The following PCDH18 variants were observed in gnomAD, a reference collection of about 807,000 sequenced individuals.
PCDH18 encodes the protein protocadherin 18.
PCDH18 carries 38 observed loss-of-function variants against 71.5 expected under a neutral mutation model. The ratio of observed to expected loss-of-function variants is 0.53; its 90% CI spans 0.41 to 0.70. The LOEUF is 0.70. Among genes scored for constraint, PCDH18 ranks in the 30% least tolerant of loss-of-function variants. The pLI is 0.00. For missense variants in PCDH18, 1,334 were observed against 1,384.6 expected (o/e 0.96, Z 0.58); for synonymous variants, 565 against 505.4 (o/e 1.12, Z -1.58).
In PCDH18 at chr4:137,521,031, A is replaced by G; in HGVS notation, c.3406T>C (p.Ter1136GlnextTer43). ...NKLLQDVRQS[*>Q] ...CAAAAATGCTTCGCTAAAATCTCCT[A>G]GCTCTGGCGGACATCTTGAAGCAGT... is the stretch of plus-strand genomic sequence containing the variant. Residue 1136 changes from the stop codon to glutamine (Q), a stop_lost, in exon 4 of 4, where the codon TAG becomes CAG. Transcript: ENST00000344876. 2 of 1,575,016 alleles carry G rather than the reference A, an allele frequency of 1.3e-6. No individual in the cohort carries two copies. The highest frequency in any genetic ancestry group is 2.3e-5 in the South Asian group (2 of 86,174).
chr4:137,522,263 GA>G (rs34670394), intron 3 of PCDH18, among the ~76,000 whole-genome samples: 7,717 of 152,154 alleles, frequency 0.051, 226 homozygotes, highest in Middle Eastern at 0.078. Flanking sequence ...TCAGCTACTG[GA>G]TGGCCATCTG....
At chr4:137,526,452 T>C (rs2149213770) in intron 3 of PCDH18, among the ~76,000 whole-genome samples, 1 of 152,286 alleles carries the variant, frequency 6.6e-6, no homozygotes, top group African/African-American at 2.4e-5. Context: ...AATTGTAGTT[T>C]AGCCAACTCC....
chr4:137,521,721 A>T lies in PCDH18; in HGVS notation c.2741-25T>A, dbSNP rs1370159837. 1.9e-6 allele frequency: 3 copies of T among 1,540,678 alleles called. No homozygotes were observed. In the Admixed American group the frequency reaches 5.3e-5, roughly 27 times the overall value. On this transcript the variant is annotated intron_variant, in intron 3 of 3. Transcript: ENST00000344876. ...GCTGCACTCAAGAAAAACAGTGGGG[A>T]TTCATTATTATACTTAGCACGATTC...
At chr4:137,529,007 A>G (rs569504835) in intron 1 of PCDH18, 187 bp from the exon 2 acceptor site, 1 of 588,622 alleles carries the variant, frequency 1.7e-6, no homozygotes, top group Non-Finnish European at 3.0e-6. Context: ...ACTAAAATAT[A>G]TCTCAGAGAG....
In PCDH18 at chr4:137,530,579, T is replaced by C. The variant is rs1731644994; in HGVS notation, c.1510A>G (p.Ile504Val). 1.9e-6 allele frequency: 3 copies of C among 1,613,990 alleles called. No homozygotes were observed. Among genetic ancestry groups the C allele is most frequent in the East Asian group, 2.2e-5 (1 of 44,876 alleles). ...CTTCCTAGAATAAAACTCTCCAAGATGGTGTATGTCACTTGCCCATTTTCT... is the reference window on the plus strand; with the variant it reads ...CTTCCTAGAATAAAACTCTCCAAGACGGTGTATGTCACTTGCCCATTTTCT... ...LGENGQVTYT[I>V]LESFILGSSI... Residue 504 changes from isoleucine to valine, a missense_variant, in exon 1 of 4, where the codon ATC (isoleucine) becomes GTC (valine). Around this residue, in one of 3 missense-constraint regions of PCDH18, gnomAD observed 1,011 missense variants for 1,048.0 expected, o/e 0.96. Transcript: ENST00000344876.
At position 137,521,328 on chromosome 4, in the gene PCDH18, G is replaced by T; in HGVS notation, c.3109C>A (p.Arg1037Ser). Residue 1037 changes from arginine to serine, a missense_variant, in exon 4 of 4, where the codon CGC (arginine) becomes AGC (serine). Arg to Ser is a moderately radical substitution (Grantham distance 110, BLOSUM62 -1). Around this residue, in one of 3 missense-constraint regions of PCDH18, gnomAD observed 319 missense variants for 316.3 expected, o/e 1.01. Transcript: ENST00000344876. ...SEVDRSNSLE[R>S]RKGPLPAKTV... Reference sequence around the variant, plus strand: ...TTGGCTGGCAAGGGTCCCTTCCTGCGCTCCAGGGAGTTGGACCGATCCACC... The same window carrying T: ...TTGGCTGGCAAGGGTCCCTTCCTGCTCTCCAGGGAGTTGGACCGATCCACC... 1 of 1,614,090 alleles carries T rather than the reference G, an allele frequency of 6.2e-7. No individual in the cohort carries two copies. Among genetic ancestry groups the T allele is most frequent in the Non-Finnish European group, 8.5e-7 (1 of 1,180,004 alleles).
intron 3 of PCDH18, among the ~76,000 whole-genome samples, chr4:137,525,855 T>TAA (rs1270709376): frequency 6.6e-6 from 1 of 151,434 alleles, no homozygotes; most frequent in South Asian, 2.1e-4. Context: ...GATTTTTTTT[T>TAA]AAAAATTGTC....
In PCDH18 at chr4:137,529,937, C is replaced by A; in HGVS notation, c.2152G>T (p.Val718Leu). The part of the protein sequence containing the change: ...AICAVLLVIM[V>L]LFATRCNREK... ...CGGTTACACCTAGTTGCAAATAGCACCATAATAACCAGCAACACTGCACAA... is the reference window on the plus strand; with the variant it reads ...CGGTTACACCTAGTTGCAAATAGCAACATAATAACCAGCAACACTGCACAA... The change falls in exon 1 of 4, where the codon GTG becomes TTG. Residue 718 changes from valine (V) to leucine (L), a missense_variant. Val to Leu is a conservative substitution (Grantham distance 32). This residue lies in a region of PCDH18 where 1,011 missense variants were observed against 1,048.0 expected (regional missense o/e 0.96). Coordinates refer to ENST00000344876, the MANE Select transcript of PCDH18 (RefSeq NM_019035.5). 1 of 1,613,818 alleles carries A rather than the reference C, an allele frequency of 6.2e-7. No homozygotes were observed. The highest frequency in any genetic ancestry group is 8.5e-7 in the Non-Finnish European group (1 of 1,179,888).
chr4:137,524,100 C>T (rs1731379408), intron 3 of PCDH18, among the ~76,000 whole-genome samples: 1 of 152,088 alleles, frequency 6.6e-6, no homozygotes, highest in Non-Finnish European at 1.5e-5. Flanking sequence ...TCCCAGTTAG[C>T]AGGGCTTGTT....
chr4:137,527,704 A>G (rs1367107861), intron 3 of PCDH18, among the ~76,000 whole-genome samples: 1 of 152,212 alleles, frequency 6.6e-6, no homozygotes, highest in Non-Finnish European at 1.5e-5. Flanking sequence ...GAACACACGT[A>G]TTCCTAAGGT....
rs757986991 is a variant in PCDH18, at chr4:137,528,512, G to A, written c.2706C>T (p.Ser902=). The A allele has an allele frequency of 8.7e-6, 14 of 1,613,690 alleles. No individual in the cohort carries two copies. Among genetic ancestry groups the A allele is most frequent in the Middle Eastern group, 1.6e-4 (1 of 6,078 alleles). The change falls in exon 3 of 4, where the codon AGC becomes AGT. Residue 902 remains serine (S), a synonymous_variant. Coordinates refer to ENST00000344876, the MANE Select transcript of PCDH18 (RefSeq NM_019035.5). ...PIDRLLGEGF[S]DLFLTDGRIP... is the part of the protein sequence containing the mutation. ...TTCTTCCATCTGTGAGAAACAGGTC[G>A]CTGAATCCTTCACCCAACAGCCTAT...
At chr4:137,525,651 A>G (rs1425656979) in intron 3 of PCDH18, among the ~76,000 whole-genome samples, 1 of 152,152 alleles carries the variant, frequency 6.6e-6, no homozygotes, top group Non-Finnish European at 1.5e-5. Flanking sequence ...ACATGAATAT[A>G]CTTTGCGGAC....
chr4:137,523,969 A>G (rs1731375369), intron 3 of PCDH18, among the ~76,000 whole-genome samples: 1 of 152,300 alleles, frequency 6.6e-6, no homozygotes, highest in South Asian at 2.1e-4. Flanking sequence ...TGGAAGAGTA[A>G]CGGTGCAGAA....
intron 1 of PCDH18, chr4:137,529,324 G>A: frequency 3.1e-6 from 1 of 320,884 alleles, no homozygotes; most frequent in African/African-American, 2.1e-5. Context: ...TTTTAATCTG[G>A]GAAGCAAGGG....
rs752836513 is a variant in PCDH18, at chr4:137,531,480, C to T, written c.609G>A (p.Glu203=). The change falls in exon 1 of 4, where the codon GAG becomes GAA. Residue 203 remains glutamate, a synonymous_variant. Coordinates refer to ENST00000344876, the MANE Select transcript of PCDH18 (RefSeq NM_019035.5). The part of the protein sequence containing the change: ...AKYAELIVVR[E]LDRELKSSYE... ...AGCTTGACTTCAGCTCCCGATCTAACTCTCTGACCACTATGAGTTCTGCAT... is the reference window on the plus strand; with the variant it reads ...AGCTTGACTTCAGCTCCCGATCTAATTCTCTGACCACTATGAGTTCTGCAT... 3.1e-6 allele frequency: 5 copies of T among 1,614,064 alleles called. No individual in the cohort carries two copies. The South Asian group carries it at 5.5e-5, about 18-fold the overall frequency.
chr4:137,532,143 C>T lies in PCDH18; in HGVS notation c.-55G>A, dbSNP rs1731736424. The T allele has an allele frequency of 1.3e-5, 18 of 1,363,650 alleles. No individual in the cohort carries two copies. Among genetic ancestry groups the T allele is most frequent in the Non-Finnish European group, 2.1e-6 (2 of 953,186 alleles). 84.5% of individuals were successfully genotyped at this position (1,363,650 alleles called of 1,614,324 possible). ...GCAAGTTAAAACAGCAAAGCAATTG[C>T]CTCAACTTCCTTTGGCAACGTAAAG... is the stretch of plus-strand genomic sequence containing the variant. On this transcript the variant is annotated 5_prime_UTR_variant, in exon 1 of 4. Transcript: ENST00000344876.
At chr4:137,528,152 C>G (rs554228327) in intron 3 of PCDH18, among the ~76,000 whole-genome samples, 1 of 152,214 alleles carries the variant, frequency 6.6e-6, no homozygotes, top group Non-Finnish European at 1.5e-5. Flanking sequence ...GTTACACAAC[C>G]GTGTTCTATG....
rs1262672779 is a variant in PCDH18, at chr4:137,530,643, T to C, written c.1446A>G (p.Ala482=). The C allele has an allele frequency of 1.2e-6, 2 of 1,613,840 alleles. No homozygotes were observed. Among genetic ancestry groups the C allele is most frequent in the Non-Finnish European group, 8.5e-7 (1 of 1,179,880 alleles). ...CTGTGGCTGTAACAGTGGTGATATATGCCCCTGGTGAGTTATTTTCTGAAA... is the reference window on the plus strand; with the variant it reads ...CTGTGGCTGTAACAGTGGTGATATACGCCCCTGGTGAGTTATTTTCTGAAA... The part of the protein sequence containing the change: ...FVISENNSPG[A]YITTVTATDP... Residue 482 remains alanine (A), a synonymous_variant, in exon 1 of 4, where the codon GCA becomes GCG. Coordinates refer to ENST00000344876, the MANE Select transcript of PCDH18 (RefSeq NM_019035.5).
Position 137,528,135 on chromosome 4 carries a change from G to C in PCDH18, c.2740+343C>G, listed in dbSNP as rs575159920. 5.9e-5 allele frequency among the ~76,000 whole-genome samples: 9 copies of C among 152,224 alleles called. No individual in the cohort carries two copies. In the South Asian group the frequency reaches 1.9e-3, roughly 32 times the overall value. ...ATAAAAACCACCACCCAATAATTTT[G>C]CAAAGAGTTACACAACCGTGTTCTA... is the stretch of plus-strand genomic sequence containing the variant. On this transcript the variant is annotated intron_variant, in intron 3 of 3. Coordinates refer to ENST00000344876, the MANE Select transcript of PCDH18 (RefSeq NM_019035.5).
Sources: allele counts gnomAD v4.1 joint callset (sites outside exome capture counted in the v4.1 genomes callset), GRCh38; gene constraint gnomAD v4.1.1; regional missense constraint gnomAD v4.1.1; transcripts MANE v1.5; gene names NCBI Gene and HGNC (gene_info 2026-07-23, HGNC 2026-07-21).